CFAP54: variants seen among roughly 807,000 people sequenced by gnomAD.
CFAP54 encodes the protein cilia and flagella associated protein 54.
Under a neutral mutation model 370.4 loss-of-function variants are expected in CFAP54, and 290 were observed. The ratio of observed to expected loss-of-function variants is 0.78; its 90% CI spans 0.71 to 0.86. The LOEUF is 0.86. Among genes scored for constraint, CFAP54 ranks in the 40% least tolerant of loss-of-function variants. The pLI is 0.00. For synonymous variants in CFAP54, 1,206 were observed against 1,236.5 expected (o/e 0.98, Z 0.52); for missense variants, 3,399 against 3,528.7 (o/e 0.96, Z 0.93).
intron 40 of CFAP54, 91 bp downstream of exon 40, chr12:96,679,843 C>A (rs1175389728): frequency 7.7e-7 from 1 of 1,306,326 alleles, no homozygotes; most frequent in Non-Finnish European, 1.1e-6. Flanking sequence ...TTCTTCCCTC[C>A]CCGTGTACAT....
At chr12:96,496,319 T>A (rs908967511) in intron 1 of CFAP54, among the ~76,000 whole-genome samples, 2 of 152,312 alleles carry the variant, frequency 1.3e-5, no homozygotes, top group South Asian at 4.1e-4. Flanking sequence ...AGTTCTTAAG[T>A]TTATGTCCTG....
intron 63 of CFAP54, among the ~76,000 whole-genome samples, chr12:96,802,628 T>C (rs909126788): frequency 6.6e-6 from 1 of 152,164 alleles, no homozygotes; most frequent in Admixed American, 6.5e-5. Context: ...CTACTCCCAC[T>C]ACTAACTTCT....
At chr12:96,664,025 T>C in intron 39 of CFAP54, 93 bp downstream of exon 39, 1 of 931,038 alleles carries the variant, frequency 1.1e-6, no homozygotes, top group Non-Finnish European at 1.7e-6. Flanking sequence ...TTAGTATGTT[T>C]GTAAAAATGT....
intron 58 of CFAP54, among the ~76,000 whole-genome samples, chr12:96,760,949 A>T (rs1565968612): frequency 6.6e-6 from 1 of 152,016 alleles, no homozygotes; most frequent in Admixed American, 6.6e-5. Flanking sequence ...TTTTTTGTGG[A>T]CATATGTTTT....
intron 15 of CFAP54, 110 bp from the exon 16 acceptor site, chr12:96,554,072 G>C: frequency 1.5e-6 from 1 of 653,924 alleles, no homozygotes; most frequent in Non-Finnish European, 2.5e-6. Context: ...GTGTTAGATA[G>C]ACTATTTAAA....
At chr12:96,607,910 C>T (rs935483798) in intron 26 of CFAP54, among the ~76,000 whole-genome samples, 9 of 151,694 alleles carry the variant, frequency 5.9e-5, no homozygotes, top group African/African-American at 1.5e-4. Context: ...AGATATCATT[C>T]GTCAGGGCAA....
At chr12:96,586,515 T>C (rs953965606) in intron 22 of CFAP54, among the ~76,000 whole-genome samples, 3 of 152,004 alleles carry the variant, frequency 2.0e-5, no homozygotes, top group Admixed American at 6.6e-5. Context: ...AGTAGAGACT[T>C]GAAGGAGATG....
chr12:96,524,303 CATAA>C (rs1225236802), intron 8 of CFAP54, among the ~76,000 whole-genome samples: 4 of 151,784 alleles, frequency 2.6e-5, no homozygotes, highest in Non-Finnish European at 4.4e-5. Flanking sequence ...AGAATTATAT[CATAA>C]ATAAATAAAT....
intron 45 of CFAP54, among the ~76,000 whole-genome samples, chr12:96,698,155 C>G (rs1313546521): frequency 1.3e-5 from 2 of 152,106 alleles, no homozygotes; most frequent in Non-Finnish European, 2.9e-5. Context: ...AAACATGCAT[C>G]CCAATGGAAC....
chr12:96,493,587 A>C (rs1472503377), intron 1 of CFAP54, among the ~76,000 whole-genome samples: 2 of 152,230 alleles, frequency 1.3e-5, no homozygotes, highest in African/African-American at 4.8e-5. Context: ...TCACGAGGTC[A>C]GGTATTTGAG....
At chr12:96,795,420 G>A (rs1350217424) in intron 63 of CFAP54, among the ~76,000 whole-genome samples, 1 of 152,132 alleles carries the variant, frequency 6.6e-6, no homozygotes, top group East Asian at 1.9e-4. Context: ...GGTTAGGCGT[G>A]TCTAAGCCTA....
At chr12:96,692,079 T>TC (rs1406140419) in intron 44 of CFAP54, among the ~76,000 whole-genome samples, 1 of 152,026 alleles carries the variant, frequency 6.6e-6, no homozygotes, top group African/African-American at 2.4e-5. Flanking sequence ...CTTACTTTTT[T>TC]CCCCCACATA....
chr12:96,579,049 T>C lies in CFAP54; in HGVS notation c.2797-1548T>C, dbSNP rs184896792. Among the ~76,000 whole-genome samples the C allele has an allele frequency of 2.5e-3, 380 of 152,324 alleles. 4 individuals carry two copies. Among genetic ancestry groups the C allele is most frequent in the African/African-American group, 8.6e-3 (358 of 41,586 alleles). On this transcript the variant is annotated intron_variant, in intron 20 of 67. Coordinates refer to ENST00000524981, the MANE Select transcript of CFAP54 (RefSeq NM_001306084.2). ...ATTTTACCCTCCAAATTCTGGTTTATATAATAGAACTTGGAGCAATAGTGA... is the reference window on the plus strand; with the variant it reads ...ATTTTACCCTCCAAATTCTGGTTTACATAATAGAACTTGGAGCAATAGTGA...
At chr12:96,511,604 C>T (rs796467860) in intron 4 of CFAP54, among the ~76,000 whole-genome samples, 1 of 152,064 alleles carries the variant, frequency 6.6e-6, no homozygotes, top group Non-Finnish European at 1.5e-5. Context: ...AGGTGTGAGA[C>T]ACCACGCCCG....
At chr12:96,809,129 C>A (rs1958907926) in intron 63 of CFAP54, among the ~76,000 whole-genome samples, 1 of 152,136 alleles carries the variant, frequency 6.6e-6, no homozygotes, top group Admixed American at 6.6e-5. Context: ...TTCCCTCTGT[C>A]CCGTATGTAC....
At chr12:96,786,490 G>C (rs34463) in intron 61 of CFAP54, among the ~76,000 whole-genome samples, 185 bp from the exon 62 acceptor site, 73,503 of 151,934 alleles carry the variant, frequency 0.48, 18,489 homozygotes, top group South Asian at 0.64. Flanking sequence ...CTGAAATTTT[G>C]TTTCCTTCTG....
At chr12:96,648,897 G>A (rs1423198680) in intron 34 of CFAP54, among the ~76,000 whole-genome samples, 1 of 151,900 alleles carries the variant, frequency 6.6e-6, no homozygotes, top group Non-Finnish European at 1.5e-5. Flanking sequence ...CGAAAACAGG[G>A]TTCTTGATCA....
chr12:96,602,165 C>T (rs61938158), intron 26 of CFAP54, among the ~76,000 whole-genome samples: 3 of 152,030 alleles, frequency 2.0e-5, no homozygotes, highest in Non-Finnish European at 4.4e-5. Context: ...TGTCTTTGTT[C>T]CATTGCTTTC....
chr12:96,548,101 T>TATA (rs1222963334), intron 15 of CFAP54, 123 bp downstream of exon 15: 1 of 472,084 alleles, frequency 2.1e-6, no homozygotes, highest in Non-Finnish European at 3.7e-6. Flanking sequence ...ATTTGAGGAT[T>TATA]ATATGGCTTT....
Sources: allele counts gnomAD v4.1 joint callset (sites outside exome capture counted in the v4.1 genomes callset), GRCh38; gene constraint gnomAD v4.1.1; transcripts MANE v1.5; gene names NCBI Gene and HGNC (gene_info 2026-07-23, HGNC 2026-07-21).